Variants in SCHIP1 observed in about 807,000 individuals in gnomAD.
SCHIP1 encodes the protein schwannomin-interacting protein 1.
Under a neutral mutation model 29.7 loss-of-function variants are expected in SCHIP1, and 8 were observed. The observed-to-expected ratio is 0.27, with a 90% CI of 0.16 to 0.49. SCHIP1 has a LOEUF of 0.49. SCHIP1 is among the 20% of genes least tolerant of loss of function. The probability of loss-of-function intolerance (pLI) is 0.99; values close to 1 mark genes in which losing one functional copy is unlikely to be tolerated. For synonymous variants in SCHIP1, 76 were observed against 94.9 expected (o/e 0.80, Z 1.16); for missense variants, 193 against 294.6 (o/e 0.66, Z 2.52).
the SCHIP1 span, among the ~76,000 whole-genome samples, chr3:159,733,128 T>C: frequency 6.6e-6 from 1 of 152,208 alleles, no homozygotes; most frequent in Admixed American, 6.5e-5. Flanking sequence ...CAGAAACATC[T>C]CAGATTTTCT....
chr3:159,359,613 TC>T, the SCHIP1 span, among the ~76,000 whole-genome samples: 4 of 152,228 alleles, frequency 2.6e-5, no homozygotes, highest in African/African-American at 9.6e-5. Flanking sequence ...GGAATTTATT[TC>T]TAAATAAATA....
At chr3:159,699,481 T>A in the SCHIP1 span, among the ~76,000 whole-genome samples, 1 of 152,124 alleles carries the variant, frequency 6.6e-6, no homozygotes, top group Non-Finnish European at 1.5e-5. Flanking sequence ...TTGAGTGAAG[T>A]CATCTGGGAT....
chr3:159,649,930 A>G, the SCHIP1 span, among the ~76,000 whole-genome samples: 3 of 152,220 alleles, frequency 2.0e-5, no homozygotes, highest in African/African-American at 4.8e-5. Context: ...GGTTGCTGCC[A>G]TATTTCCAGA....
chr3:159,347,302 A>T, the SCHIP1 span, among the ~76,000 whole-genome samples: 1 of 152,194 alleles, frequency 6.6e-6, no homozygotes, highest in African/African-American at 2.4e-5. Context: ...AGTATTCCAG[A>T]TCATAATCTC....
At chr3:159,478,516 AT>A in the SCHIP1 span, among the ~76,000 whole-genome samples, 1 of 152,162 alleles carries the variant, frequency 6.6e-6, no homozygotes, top group African/African-American at 2.4e-5. Context: ...AGGAAGTACA[AT>A]GACTCCAGGT....
chr3:159,356,861 T>C, the SCHIP1 span, among the ~76,000 whole-genome samples: 7 of 152,210 alleles, frequency 4.6e-5, no homozygotes, highest in African/African-American at 1.7e-4. Flanking sequence ...GCCCCTTTTA[T>C]GCCTTGCAGA....
the SCHIP1 span, among the ~76,000 whole-genome samples, chr3:159,654,729 C>T: frequency 1.7e-4 from 25 of 144,956 alleles, no homozygotes; most frequent in South Asian, 6.5e-4. Flanking sequence ...GATGGAGCTA[C>T]GGGACACTTC....
chr3:159,407,065 A>C, the SCHIP1 span, among the ~76,000 whole-genome samples: 2 of 152,224 alleles, frequency 1.3e-5, no homozygotes, highest in Non-Finnish European at 2.9e-5. Context: ...ATATAAATTC[A>C]TGAAACTCTC....
the SCHIP1 span, among the ~76,000 whole-genome samples, chr3:159,378,599 C>G: frequency 2.6e-5 from 4 of 152,272 alleles, no homozygotes; most frequent in South Asian, 8.3e-4. Context: ...GCTCCTGACT[C>G]CCTTGTTTTT....
the SCHIP1 span, among the ~76,000 whole-genome samples, chr3:159,687,668 G>C: frequency 1.3e-5 from 2 of 152,084 alleles, no homozygotes; most frequent in Non-Finnish European, 2.9e-5. Flanking sequence ...TGTTACACAG[G>C]TATACACGTG....
At chr3:159,612,230 C>T in the SCHIP1 span, among the ~76,000 whole-genome samples, 1 of 151,618 alleles carries the variant, frequency 6.6e-6, no homozygotes, top group African/African-American at 2.4e-5. Context: ...ATATCAATGA[C>T]AAAAATGAAT....
the SCHIP1 span, among the ~76,000 whole-genome samples, chr3:159,461,439 G>A: frequency 1.3e-5 from 2 of 151,988 alleles, no homozygotes; most frequent in Admixed American, 1.3e-4. Flanking sequence ...AAAACAAGTG[G>A]CTGAAGAAAA....
At chr3:159,467,109 C>G in the SCHIP1 span, among the ~76,000 whole-genome samples, 2 of 152,164 alleles carry the variant, frequency 1.3e-5, no homozygotes, top group South Asian at 4.2e-4. Context: ...GTGTGTGTCT[C>G]TCTCTGCACA....
chr3:159,736,219 T>C, the SCHIP1 span, among the ~76,000 whole-genome samples: 1 of 152,230 alleles, frequency 6.6e-6, no homozygotes, highest in African/African-American at 2.4e-5. Context: ...AAGAAGTCGA[T>C]GCTGAGGCAA....
the SCHIP1 span, among the ~76,000 whole-genome samples, chr3:159,314,536 G>A: frequency 6.6e-6 from 1 of 152,108 alleles, no homozygotes; most frequent in Non-Finnish European, 1.5e-5. Flanking sequence ...TCTTAATAGG[G>A]GAAAATAAGT....
At chr3:159,334,882 TTTC>T in the SCHIP1 span, among the ~76,000 whole-genome samples, 85 of 147,874 alleles carry the variant, frequency 5.7e-4, no homozygotes, top group African/African-American at 2.0e-3. Context: ...AAGTTTTCTT[TTTC>T]TTCTTCTTCT....
chr3:159,759,829 T>C, the SCHIP1 span, among the ~76,000 whole-genome samples: 1 of 152,206 alleles, frequency 6.6e-6, no homozygotes, highest in Non-Finnish European at 1.5e-5. Flanking sequence ...GGGCTAATAA[T>C]ATAAGAATTA....
At chr3:159,643,984 C>T in the SCHIP1 span, among the ~76,000 whole-genome samples, 5 of 152,062 alleles carry the variant, frequency 3.3e-5, no homozygotes, top group African/African-American at 4.8e-5. Flanking sequence ...TTTGAACATG[C>T]TCTTTGCTTT....
At chr3:159,521,489 T>G in the SCHIP1 span, among the ~76,000 whole-genome samples, 3 of 152,264 alleles carry the variant, frequency 2.0e-5, no homozygotes, top group African/African-American at 7.2e-5. Flanking sequence ...AAGGTACTAC[T>G]GACTGGAGCT....
Sources: allele counts gnomAD v4.1 joint callset (sites outside exome capture counted in the v4.1 genomes callset), GRCh38; gene constraint gnomAD v4.1.1; transcripts MANE v1.5; gene names NCBI Gene and HGNC (gene_info 2026-07-23, HGNC 2026-07-21).